Variants in RGS17 observed in about 807,000 individuals in gnomAD.
The protein encoded by RGS17 is regulator of G-protein signaling 17.
A neutral mutation model predicts 25.5 loss-of-function variants in RGS17; 12 were observed. The observed-to-expected ratio is 0.47, with a 90% CI of 0.30 to 0.76. The LOEUF is 0.76. RGS17 is among the 30% of genes least tolerant of loss of function. The pLI is 0.07. For synonymous variants in RGS17, 71 were observed against 76.9 expected (o/e 0.92, Z 0.40); for missense variants, 196 against 242.2 (o/e 0.81, Z 1.27).
intron 1 of RGS17, among the ~76,000 whole-genome samples, chr6:153,107,258 G>A (rs1417716199): frequency 2.0e-5 from 3 of 151,976 alleles, no homozygotes; most frequent in Non-Finnish European, 4.4e-5. Context: ...GCTTGAACCC[G>A]GGAGGTGGAG....
At position 153,116,031 on chromosome 6, in the gene RGS17, A is replaced by C. The variant is rs1584165487; in HGVS notation, c.-26+15093T>G. ...GGCATGGGCAAAAACTTCATGAGTA[A>C]AACACCAAAAGCAATGGCAATGAAA... On this transcript the variant is annotated intron_variant, in intron 1 of 4. Coordinates refer to ENST00000206262, the MANE Select transcript of RGS17 (RefSeq NM_012419.5). 2.6e-5 allele frequency among the ~76,000 whole-genome samples: 4 copies of C among 152,380 alleles called. No homozygotes were observed. In the East Asian group the frequency reaches 7.7e-4, roughly 29 times the overall value.
intron 1 of RGS17, among the ~76,000 whole-genome samples, chr6:153,095,645 G>C (rs1233176148): frequency 6.6e-6 from 1 of 152,038 alleles, no homozygotes; most frequent in Non-Finnish European, 1.5e-5. Context: ...TATCAAACTG[G>C]TTACCAGAAT....
At chr6:153,047,240 A>G (rs754542221) in intron 1 of RGS17, among the ~76,000 whole-genome samples, 1 of 152,218 alleles carries the variant, frequency 6.6e-6, no homozygotes, top group Non-Finnish European at 1.5e-5. Context: ...GAAGGGGTAG[A>G]ATATAAGAAA....
At chr6:153,101,215 A>T (rs920066428) in intron 1 of RGS17, among the ~76,000 whole-genome samples, 1 of 152,236 alleles carries the variant, frequency 6.6e-6, no homozygotes, top group African/African-American at 2.4e-5. Context: ...CCCTTGAACA[A>T]CACGGATTTG....
intron 4 of RGS17, among the ~76,000 whole-genome samples, chr6:153,020,072 TTA>T (rs1779223781): frequency 7.5e-6 from 1 of 132,810 alleles, no homozygotes; most frequent in Non-Finnish European, 1.6e-5. Flanking sequence ...AGAACAGAAG[TTA>T]TGTCACCTCC....
chr6:153,055,348 T>C (rs1463504910), intron 1 of RGS17, among the ~76,000 whole-genome samples: 2 of 152,174 alleles, frequency 1.3e-5, no homozygotes, highest in East Asian at 3.9e-4. Context: ...AGTTAAAAAA[T>C]GAAAAGTTAT....
At chr6:153,084,272 T>G (rs1777022847) in intron 1 of RGS17, among the ~76,000 whole-genome samples, 1 of 152,198 alleles carries the variant, frequency 6.6e-6, no homozygotes, top group African/African-American at 2.4e-5. Flanking sequence ...GATGATCAGT[T>G]ATAGAGCCTG....
Position 153,007,867 on chromosome 6 carries a change from A to C in RGS17, c.*3707T>G, listed in dbSNP as rs960210855. ...TGGCTTCCCAAAGTGCTGGGATTAC[A>C]GGCTTGAGCCACTGTGCCTGGCCAA... On this transcript the variant is annotated 3_prime_UTR_variant, in exon 5 of 5. Transcript: ENST00000206262. 2 of 152,224 alleles carry C rather than the reference A, an allele frequency of 1.3e-5. No individual in the cohort carries two copies. Among genetic ancestry groups the C allele is most frequent in the African/African-American group, 4.8e-5 (2 of 41,450 alleles). 9.4% of individuals were successfully genotyped at this position (152,224 alleles called of 1,614,324 possible).
intron 1 of RGS17, among the ~76,000 whole-genome samples, chr6:153,126,808 C>T (rs1777711243): frequency 6.6e-6 from 1 of 151,878 alleles, no homozygotes; most frequent in Non-Finnish European, 1.5e-5. Context: ...GGATCAAAAT[C>T]CAAAGATAAA....
In RGS17 at chr6:153,130,742, G is replaced by C. The variant is rs1021142000; in HGVS notation, c.-26+382C>G. Reference sequence around the variant, plus strand: ...CCCCGCGGGGTCTCCCGCGCCCCTGGCCCGGCCCTCCCGGCCGCCCCCAGC... The same window carrying C: ...CCCCGCGGGGTCTCCCGCGCCCCTGCCCCGGCCCTCCCGGCCGCCCCCAGC... On this transcript the variant is annotated intron_variant, in intron 1 of 4. Coordinates refer to ENST00000206262, the MANE Select transcript of RGS17 (RefSeq NM_012419.5). The surrounding 1 kb of genome is among the most constrained non-coding windows in gnomAD (Gnocchi z 6.4). Among the ~76,000 whole-genome samples the C allele has an allele frequency of 6.6e-6, 1 of 152,054 alleles. No individual in the cohort carries two copies. The highest frequency in any genetic ancestry group is 6.5e-5 in the Admixed American group (1 of 15,282).
chr6:153,109,794 G>A (rs550239522), intron 1 of RGS17, among the ~76,000 whole-genome samples: 2 of 152,342 alleles, frequency 1.3e-5, no homozygotes, highest in East Asian at 1.9e-4. Context: ...CATGCTATAT[G>A]AGTCTAAAAC....
At chr6:153,102,827 T>C (rs953903633) in intron 1 of RGS17, among the ~76,000 whole-genome samples, 2 of 152,248 alleles carry the variant, frequency 1.3e-5, no homozygotes, top group Non-Finnish European at 2.9e-5. Flanking sequence ...ACATTAGGCA[T>C]TCCATGTTCA....
chr6:153,067,800 T>C (rs1776731374), intron 1 of RGS17, among the ~76,000 whole-genome samples: 1 of 152,108 alleles, frequency 6.6e-6, no homozygotes, highest in South Asian at 2.1e-4. Context: ...AGAGAAATAG[T>C]AAAAGCTATC....
chr6:153,079,435 T>A (rs981936180), intron 1 of RGS17, among the ~76,000 whole-genome samples: 1 of 152,246 alleles, frequency 6.6e-6, no homozygotes. Flanking sequence ...ACCACTGTTG[T>A]GGTGTTTGCT....
intron 4 of RGS17, among the ~76,000 whole-genome samples, chr6:153,020,726 C>A (rs1264401388): frequency 6.6e-6 from 1 of 152,110 alleles, no homozygotes; most frequent in African/African-American, 2.4e-5. Context: ...TTAGGCATTA[C>A]CATTTTATAA....
intron 1 of RGS17, among the ~76,000 whole-genome samples, chr6:153,123,646 G>T (rs1443814829): frequency 6.6e-6 from 1 of 152,058 alleles, no homozygotes; most frequent in Non-Finnish European, 1.5e-5. Context: ...AGGATTCTGG[G>T]GTTTTGGTCA....
chr6:153,100,532 C>A (rs1777284841), intron 1 of RGS17, among the ~76,000 whole-genome samples: 1 of 83,016 alleles, frequency 1.2e-5, no homozygotes, highest in South Asian at 4.6e-4. Flanking sequence ...TACCCATCAC[C>A]TAAAAAGAAA....
intron 1 of RGS17, among the ~76,000 whole-genome samples, chr6:153,120,580 T>C (rs930633785): frequency 6.6e-6 from 1 of 152,160 alleles, no homozygotes; most frequent in South Asian, 2.1e-4. Context: ...CCCCCCTGCA[T>C]GGACTGATGA....
intron 1 of RGS17, among the ~76,000 whole-genome samples, chr6:153,095,894 T>C (rs542035728): frequency 1.3e-4 from 20 of 152,336 alleles, no homozygotes; most frequent in African/African-American, 4.6e-4. Context: ...AGTTTGTCTG[T>C]AGTGTTATAA....
Sources: allele counts gnomAD v4.1 joint callset (sites outside exome capture counted in the v4.1 genomes callset), GRCh38; gene constraint gnomAD v4.1.1; non-coding constraint Gnocchi (gnomAD v3.1); transcripts MANE v1.5; gene names NCBI Gene and HGNC (gene_info 2026-07-23, HGNC 2026-07-21).